EXOC2: variants seen among roughly 807,000 people sequenced by gnomAD.
The protein encoded by EXOC2 is SEC5-like 1.
EXOC2 carries 70 observed loss-of-function variants against 131.8 expected under a neutral mutation model. That is an observed-to-expected ratio of 0.53 (90% CI 0.44 to 0.65). EXOC2 has a LOEUF of 0.65. EXOC2 is among the 30% of genes least tolerant of loss of function. EXOC2 has a pLI of 0.00. For missense variants in EXOC2, 923 were observed against 1,108.6 expected, an observed-to-expected ratio of 0.83 and a Z score of 2.38; for synonymous variants, 411 against 398.4, an observed-to-expected ratio of 1.03 and a Z score of -0.38.
Position 532,385 on chromosome 6 carries a change from G to A in EXOC2, c.2380+84C>T, listed in dbSNP as rs1463605793. On this transcript the variant is annotated intron_variant, in intron 23 of 27. Transcript: ENST00000230449. The stretch of plus-strand genomic sequence containing the variant: ...CACTCTCAGTAGATATGAGAAAAAT[G>A]AGAATAAAATGAAAAGAATTCAAGC... 5.3e-6 allele frequency: 7 copies of A among 1,312,728 alleles called. No individual in the cohort carries two copies. In the Admixed American group the frequency reaches 8.7e-5, roughly 16 times the overall value. The allele number at this position is 1,312,728 out of a possible 1,614,324, so 81.3% of individuals were successfully genotyped here.
intron 1 of EXOC2, among the ~76,000 whole-genome samples, chr6:692,478 T>G (rs1764977540): frequency 6.6e-6 from 1 of 152,182 alleles, no homozygotes; most frequent in South Asian, 2.1e-4. Context: ...CGCTCCCCTA[T>G]CCGTAAAATG....
At chr6:516,548 T>C (rs1056797597) in intron 23 of EXOC2, among the ~76,000 whole-genome samples, 6 of 152,100 alleles carry the variant, frequency 3.9e-5, no homozygotes, top group African/African-American at 1.4e-4. Context: ...GAAAGGCAGG[T>C]TTTCCAATGC....
chr6:491,358 G>T (rs1763424837), intron 25 of EXOC2, among the ~76,000 whole-genome samples, 172 bp from the exon 26 acceptor site: 1 of 152,242 alleles, frequency 6.6e-6, no homozygotes, highest in Non-Finnish European at 1.5e-5. Context: ...GAAGAAATTT[G>T]CTACCACAAA....
At chr6:607,047 T>C (rs563276574) in intron 7 of EXOC2, among the ~76,000 whole-genome samples, 1 of 152,316 alleles carries the variant, frequency 6.6e-6, no homozygotes, top group South Asian at 2.1e-4. Context: ...GGAGGCAGTG[T>C]GGCTGATCAT....
chr6:488,930 C>T, intron 27 of EXOC2, 49 bp downstream of exon 27: 1 of 1,558,124 alleles, frequency 6.4e-7, no homozygotes, highest in South Asian at 1.2e-5. Context: ...GAAACAAAAC[C>T]TTGTTGAGCA....
intron 1 of EXOC2, among the ~76,000 whole-genome samples, chr6:651,561 T>A (rs1268681137): frequency 1.3e-5 from 2 of 151,524 alleles, no homozygotes; most frequent in African/African-American, 4.9e-5. Flanking sequence ...AGCTGAGGTA[T>A]GAGAATCACT....
chr6:581,438 TTTG>T (rs1324432741), intron 11 of EXOC2, among the ~76,000 whole-genome samples: 1 of 152,144 alleles, frequency 6.6e-6, no homozygotes, highest in Admixed American at 6.5e-5. Context: ...ATCAAAAACA[TTTG>T]GTTGTAATCT....
intron 4 of EXOC2, among the ~76,000 whole-genome samples, chr6:620,020 A>T (rs1761204791): frequency 6.6e-6 from 1 of 152,258 alleles, no homozygotes; most frequent in South Asian, 2.1e-4. Flanking sequence ...AAGTACTAAT[A>T]AAACCACATC....
chr6:597,147 C>T (rs1379929159), intron 10 of EXOC2, among the ~76,000 whole-genome samples: 2 of 152,240 alleles, frequency 1.3e-5, no homozygotes, highest in African/African-American at 4.8e-5. Context: ...CTCTTCATAT[C>T]CTGTGAAATT....
chr6:674,461 C>T (rs1288240399), intron 1 of EXOC2, among the ~76,000 whole-genome samples: 1 of 152,154 alleles, frequency 6.6e-6, no homozygotes, highest in Non-Finnish European at 1.5e-5. Flanking sequence ...GTGAACACTT[C>T]TCAAAGCCTT....
At chr6:496,620 CA>C (rs1319168152) in intron 25 of EXOC2, among the ~76,000 whole-genome samples, 1 of 152,106 alleles carries the variant, frequency 6.6e-6, no homozygotes, top group Non-Finnish European at 1.5e-5. Context: ...GGTTAAAATC[CA>C]TAAGAAATAA....
intron 11 of EXOC2, among the ~76,000 whole-genome samples, chr6:580,355 A>G (rs1365267628): frequency 6.6e-6 from 1 of 152,070 alleles, no homozygotes; most frequent in Non-Finnish European, 1.5e-5. Context: ...TGCAGTTTTT[A>G]ACATCCCGTA....
chr6:657,112 C>T, intron 1 of EXOC2: 1 of 518,846 alleles, frequency 1.9e-6, no homozygotes. Flanking sequence ...TTGTGGGTTC[C>T]GCAGCCCTAG....
chr6:610,340 A>ATGGGT (rs1760652542), intron 6 of EXOC2, among the ~76,000 whole-genome samples, 162 bp from the exon 7 acceptor site: 1 of 152,238 alleles, frequency 6.6e-6, no homozygotes, highest in Non-Finnish European at 1.5e-5. Context: ...AGCAGACACC[A>ATGGGT]GTCTAAGTTA....
Position 493,814 on chromosome 6 carries a change from A to C in EXOC2, c.2560-2628T>G, listed in dbSNP as rs146080689. Among the ~76,000 whole-genome samples the C allele has an allele frequency of 1.7e-3, 261 of 152,260 alleles. 1 individual carries two copies. Among genetic ancestry groups the C allele is most frequent in the African/African-American group, 5.9e-3 (245 of 41,550 alleles). On this transcript the variant is annotated intron_variant, in intron 25 of 27. Transcript: ENST00000230449. The stretch of plus-strand genomic sequence containing the variant: ...GTCCAGGCCCGAGGAGGTCTCAAAA[A>C]CTGGAGGCTGGAACAGTTTGATGGC...
intron 1 of EXOC2, among the ~76,000 whole-genome samples, chr6:681,538 A>C (rs1391409791): frequency 3.9e-5 from 6 of 152,238 alleles, no homozygotes; most frequent in Admixed American, 3.3e-4. Flanking sequence ...AATATTACTA[A>C]GATATTTATA....
chr6:610,335 A>C (rs765145387), intron 6 of EXOC2, among the ~76,000 whole-genome samples, 157 bp from the exon 7 acceptor site: 4 of 152,100 alleles, frequency 2.6e-5, no homozygotes, highest in Non-Finnish European at 4.4e-5. Flanking sequence ...TACCCAGCAG[A>C]CACCAGTCTA....
chr6:541,219 T>C (rs959434921), intron 22 of EXOC2, among the ~76,000 whole-genome samples: 2 of 151,924 alleles, frequency 1.3e-5, no homozygotes, highest in Non-Finnish European at 1.5e-5. Context: ...AAATTTAAAA[T>C]CATACTTCTA....
chr6:638,116 C>T (rs1416445384), intron 1 of EXOC2, among the ~76,000 whole-genome samples: 1 of 152,164 alleles, frequency 6.6e-6, no homozygotes. Flanking sequence ...ACTTTCAGCA[C>T]AAGGGCAGAG....
Sources: allele counts gnomAD v4.1 joint callset (sites outside exome capture counted in the v4.1 genomes callset), GRCh38; gene constraint gnomAD v4.1.1; transcripts MANE v1.5; gene names NCBI Gene and HGNC (gene_info 2026-07-23, HGNC 2026-07-21).